Variants in CDH12 observed in about 807,000 individuals in gnomAD.
CDH12 encodes the protein cadherin 12.
A neutral mutation model predicts 74.1 loss-of-function variants in CDH12; 41 were observed. The observed-to-expected ratio is 0.55, with a 90% CI of 0.43 to 0.72. The LOEUF (loss-of-function observed/expected upper bound fraction) is 0.72, where lower values mean the gene tolerates loss of function less well. Ranked by LOEUF, CDH12 falls within the 30% of genes least tolerant of loss-of-function variation. The pLI is 0.00. For missense variants in CDH12, 945 were observed against 977.2 expected, an observed-to-expected ratio of 0.97 and a Z score of 0.44; for synonymous variants, 399 against 355.0, an observed-to-expected ratio of 1.12 and a Z score of -1.39.
rs571431519 is a variant in CDH12 at position 21,882,382 on chromosome 5, T to C, written c.527-27592A>G. On this transcript the variant is annotated intron_variant, in intron 6 of 14. Coordinates refer to ENST00000382254, the MANE Select transcript of CDH12 (RefSeq NM_004061.5). ...ACTTTATCAGTATTTCAAATTGATT[T>C]TTAAATCAGAAAAAAACAGGTTATT... 2.2e-3 allele frequency among the ~76,000 whole-genome samples: 340 copies of C among 152,350 alleles called. 2 individuals are homozygous for C. The highest frequency in any genetic ancestry group is 4.3e-3 in the Non-Finnish European group (291 of 68,022).
chr5:22,407,334 C>T (rs1474429423), intron 2 of CDH12, among the ~76,000 whole-genome samples: 1 of 152,016 alleles, frequency 6.6e-6, no homozygotes, highest in Non-Finnish European at 1.5e-5. Flanking sequence ...TTCTTCTCCT[C>T]CCATATTAGT....
intron 1 of CDH12, among the ~76,000 whole-genome samples, chr5:22,619,991 C>T (rs953663581): frequency 1.3e-5 from 2 of 151,954 alleles, no homozygotes; most frequent in Non-Finnish European, 2.9e-5. Context: ...TATTGAATGC[C>T]TTTAAGTAGA....
In CDH12 at chr5:21,751,566, G is replaced by A; in HGVS notation, c.*171C>T. ...CAAAACTGACAATATGATTAATTTA[G>A]TAACTTACTAGAAACCAGGTAATCA... On this transcript the variant is annotated 3_prime_UTR_variant, in exon 15 of 15. Coordinates refer to ENST00000382254, the MANE Select transcript of CDH12 (RefSeq NM_004061.5). 1 of 608,314 alleles carries A rather than the reference G, an allele frequency of 1.6e-6. No individual in the cohort carries two copies. Among genetic ancestry groups the A allele is most frequent in the East Asian group, 2.8e-5 (1 of 35,874 alleles). 37.7% of individuals were successfully genotyped at this position (608,314 alleles called of 1,614,324 possible).
intron 10 of CDH12, among the ~76,000 whole-genome samples, chr5:21,797,359 A>G (rs764128291): frequency 2.6e-5 from 4 of 152,170 alleles, no homozygotes; most frequent in Non-Finnish European, 5.9e-5. Flanking sequence ...TTTAATTCTT[A>G]GTTTTCACAA....
intron 10 of CDH12, among the ~76,000 whole-genome samples, chr5:21,790,960 G>A (rs557706041): frequency 6.6e-6 from 1 of 151,900 alleles, no homozygotes; most frequent in Non-Finnish European, 1.5e-5. Context: ...ACTGTCATTC[G>A]CTACTTTCTG....
intron 5 of CDH12, among the ~76,000 whole-genome samples, chr5:22,020,082 T>C (rs1737868359): frequency 6.6e-6 from 1 of 152,188 alleles, no homozygotes; most frequent in Non-Finnish European, 1.5e-5. Context: ...TAGTTTGATC[T>C]GATTAGAGAT....
intron 8 of CDH12, among the ~76,000 whole-genome samples, chr5:21,831,148 G>GC (rs1749000496): frequency 6.6e-6 from 1 of 152,076 alleles, no homozygotes; most frequent in Non-Finnish European, 1.5e-5. Flanking sequence ...GATTAGTGGA[G>GC]CAGTGGATTG....
chr5:22,146,246 A>C (rs956222930), intron 4 of CDH12, among the ~76,000 whole-genome samples: 16 of 152,064 alleles, frequency 1.1e-4, no homozygotes, highest in African/African-American at 3.9e-4. Context: ...ATATAAATGA[A>C]ATACATCTAA....
chr5:22,297,379 A>C (rs915031857), intron 3 of CDH12, among the ~76,000 whole-genome samples: 6 of 152,152 alleles, frequency 3.9e-5, no homozygotes, highest in African/African-American at 1.2e-4. Context: ...TGGCTCCATT[A>C]CTGTGTATTA....
At chr5:22,467,395 G>A (rs796558196) in intron 2 of CDH12, among the ~76,000 whole-genome samples, 4 of 152,212 alleles carry the variant, frequency 2.6e-5, no homozygotes, top group African/African-American at 7.2e-5. Context: ...TCCACTTAAT[G>A]TTCCTTCCAA....
intron 10 of CDH12, among the ~76,000 whole-genome samples, chr5:21,792,986 T>G (rs1746588070): frequency 6.6e-6 from 1 of 151,828 alleles, no homozygotes; most frequent in South Asian, 2.1e-4. Flanking sequence ...TAAACGTTGA[T>G]ATCTGATATC....
intron 2 of CDH12, among the ~76,000 whole-genome samples, chr5:22,447,603 C>A (rs1744865814): frequency 6.6e-6 from 1 of 152,042 alleles, no homozygotes; most frequent in Non-Finnish European, 1.5e-5. Context: ...GAGCTAGTAA[C>A]TAGATATGCA....
chr5:22,829,793 A>T (rs1736501081), intron 1 of CDH12, among the ~76,000 whole-genome samples: 1 of 152,198 alleles, frequency 6.6e-6, no homozygotes, highest in Admixed American at 6.5e-5. Flanking sequence ...GTTGTCCAGC[A>T]AAGGCTACTC....
intron 6 of CDH12, among the ~76,000 whole-genome samples, chr5:21,944,793 A>T (rs910988648): frequency 6.6e-6 from 1 of 152,088 alleles, no homozygotes; most frequent in Non-Finnish European, 1.5e-5. Context: ...GGAAACAAAG[A>T]TATGTAACTC....
intron 1 of CDH12, among the ~76,000 whole-genome samples, chr5:22,654,155 T>C (rs1179715365): frequency 6.6e-6 from 1 of 150,852 alleles, no homozygotes; most frequent in Non-Finnish European, 1.5e-5. Context: ...CTTTCTTCCT[T>C]CCTTCCCTCC....
intron 1 of CDH12, among the ~76,000 whole-genome samples, chr5:22,833,754 AAC>A (rs1394579573): frequency 2.0e-5 from 3 of 152,218 alleles, no homozygotes; most frequent in African/African-American, 7.2e-5. Flanking sequence ...ATAATATTGT[AAC>A]AGTCATTTGA....
intron 2 of CDH12, among the ~76,000 whole-genome samples, chr5:22,422,884 T>C (rs1032314740): frequency 3.3e-5 from 5 of 152,128 alleles, no homozygotes; most frequent in Non-Finnish European, 7.4e-5. Context: ...TGGAACTCCA[T>C]TATATATATT....
At chr5:21,805,441 T>C (rs1385914376) in intron 9 of CDH12, among the ~76,000 whole-genome samples, 2 of 152,136 alleles carry the variant, frequency 1.3e-5, no homozygotes, top group Non-Finnish European at 1.5e-5. Flanking sequence ...AATATCTGGT[T>C]GTTAGGGAGA....
At chr5:22,753,917 T>C (rs1483787336) in intron 1 of CDH12, among the ~76,000 whole-genome samples, 1 of 152,174 alleles carries the variant, frequency 6.6e-6, no homozygotes, top group Non-Finnish European at 1.5e-5. Context: ...TTGCAATTAT[T>C]ATGCCTATTC....
Sources: allele counts gnomAD v4.1 joint callset (sites outside exome capture counted in the v4.1 genomes callset), GRCh38; gene constraint gnomAD v4.1.1; transcripts MANE v1.5; gene names NCBI Gene and HGNC (gene_info 2026-07-23, HGNC 2026-07-21).